SLC17A1: variants seen among roughly 807,000 people sequenced by gnomAD.
The protein encoded by SLC17A1 is sodium-dependent phosphate transport protein 1.
Under a neutral mutation model 53.5 loss-of-function variants are expected in SLC17A1, and 51 were observed. The observed-to-expected ratio is 0.95, with a 90% CI of 0.76 to 1.20. The LOEUF is 1.20. Among genes scored for constraint, SLC17A1 ranks in the 50% most tolerant of loss-of-function variants. SLC17A1 has a pLI of 0.00. For synonymous variants in SLC17A1, 179 were observed against 198.8 expected (o/e 0.90, Z 0.84); for missense variants, 538 against 568.2 (o/e 0.95, Z 0.54).
At chr6:25,741,215 A>G in the SLC17A1 span, among the ~76,000 whole-genome samples, 1 of 152,196 alleles carries the variant, frequency 6.6e-6, no homozygotes, top group Admixed American at 6.5e-5. Flanking sequence ...TAGATATCCT[A>G]ATTACCCTGA....
the SLC17A1 span, among the ~76,000 whole-genome samples, chr6:25,745,726 C>A: frequency 3.9e-5 from 6 of 152,210 alleles, no homozygotes; most frequent in Non-Finnish European, 7.4e-5. Flanking sequence ...GTAACCAAAA[C>A]AGATGATCTG....
At chr6:25,727,768 C>T in the SLC17A1 span, among the ~76,000 whole-genome samples, 96,366 of 151,768 alleles carry the variant, frequency 0.63, 31,355 homozygotes, top group Middle Eastern at 0.8. Flanking sequence ...GCCTGTAATC[C>T]CAGCACTTGC....
intron 10 of SLC17A1, among the ~76,000 whole-genome samples, chr6:25,808,047 C>T (rs1293254915): frequency 6.6e-6 from 1 of 152,086 alleles, no homozygotes; most frequent in Non-Finnish European, 1.5e-5. Context: ...TCCACACTGT[C>T]TTCCATAGTG....
At chr6:25,779,175 T>G, downstream of SLC17A1, 3 of 1,613,710 alleles carry the variant, frequency 1.9e-6, no homozygotes, top group Non-Finnish European at 2.5e-6. Context: ...GAGCAGACAT[T>G]CACCCACCTC....
chr6:25,773,795 T>C, the SLC17A1 span: 4 of 948,060 alleles, frequency 4.2e-6, no homozygotes, highest in Non-Finnish European at 6.2e-6. Context: ...AGGCAGGACC[T>C]CCATATAGGA....
the SLC17A1 span, among the ~76,000 whole-genome samples, chr6:25,751,157 T>C: frequency 6.6e-6 from 1 of 152,186 alleles, no homozygotes; most frequent in East Asian, 1.9e-4. Context: ...AGACACCTAG[T>C]CTCGTTAGTT....
the SLC17A1 span, among the ~76,000 whole-genome samples, chr6:25,724,045 G>T: frequency 6.6e-6 from 1 of 152,156 alleles, no homozygotes; most frequent in South Asian, 2.1e-4. Flanking sequence ...CATAATAAAA[G>T]AAACCCTTCT....
At position 25,801,961 on chromosome 6, in the gene SLC17A1, C is replaced by A. The variant is rs140344006; in HGVS notation, c.1179-981G>T. Among the ~76,000 whole-genome samples the A allele has an allele frequency of 5.3e-5, 8 of 152,142 alleles. No homozygotes were observed. The East Asian group carries it at 1.4e-3, about 26-fold the overall frequency. On this transcript the variant is annotated intron_variant, in intron 10 of 12. Transcript: ENST00000244527. ...AAGTACATTTATGGTTATGAACATC[C>A]ACAGGTAGAGCTTGGAATGGAAACT...
the SLC17A1 span, chr6:25,727,439 T>C: frequency 1.1e-5 from 7 of 662,358 alleles, no homozygotes; most frequent in African/African-American, 1.3e-4. Flanking sequence ...TCTCCCAGGC[T>C]GGAGTGCAGT....
At chr6:25,762,951 T>C in the SLC17A1 span, among the ~76,000 whole-genome samples, 3 of 152,194 alleles carry the variant, frequency 2.0e-5, no homozygotes, top group Non-Finnish European at 4.4e-5. Flanking sequence ...GAAGAACTTA[T>C]GTGTAAAATT....
At chr6:25,729,695 A>AT in the SLC17A1 span, among the ~76,000 whole-genome samples, 2 of 151,660 alleles carry the variant, frequency 1.3e-5, no homozygotes, top group African/African-American at 2.4e-5. Context: ...CCTATTCATT[A>AT]TTTTTTAACT....
At chr6:25,791,876 C>T (rs1195615338) in intron 12 of SLC17A1, among the ~76,000 whole-genome samples, 2 of 152,176 alleles carry the variant, frequency 1.3e-5, no homozygotes, top group African/African-American at 2.4e-5. Flanking sequence ...GCAAAGGTGG[C>T]GGGAACATTT....
intron 2 of SLC17A1, among the ~76,000 whole-genome samples, chr6:25,828,142 A>G (rs552917558): frequency 4.6e-5 from 7 of 152,302 alleles, no homozygotes; most frequent in Non-Finnish European, 1.0e-4. Flanking sequence ...AGCTATAGAC[A>G]TTCCAGTTCC....
chr6:25,728,770 C>A, the SLC17A1 span, among the ~76,000 whole-genome samples: 54 of 152,298 alleles, frequency 3.5e-4, no homozygotes, highest in Non-Finnish European at 3.8e-4. Flanking sequence ...GCCGAGATCG[C>A]CCCACTGCAC....
chr6:25,773,373 G>T, the SLC17A1 span: 5 of 1,613,896 alleles, frequency 3.1e-6, no homozygotes, highest in Non-Finnish European at 4.2e-6. Context: ...GAGATACATT[G>T]TGTGTTCATT....
intron 10 of SLC17A1, among the ~76,000 whole-genome samples, chr6:25,810,907 G>A (rs569858575): frequency 1.6e-4 from 25 of 152,226 alleles, no homozygotes; most frequent in Admixed American, 9.2e-4. Context: ...TATACACAAT[G>A]GGATACTATT....
At chr6:25,826,412 G>T in intron 3 of SLC17A1, 49 bp downstream of exon 3, 1 of 1,443,304 alleles carries the variant, frequency 6.9e-7, no homozygotes. Flanking sequence ...AAATTAGTTA[G>T]CAAGACAGGC....
Position 25,826,520 on chromosome 6 carries a change from T to A in SLC17A1, c.148A>T (p.Ser50Cys). 6.2e-7 allele frequency: 1 copy of A among 1,612,834 alleles called. No homozygotes were observed. The highest frequency in any genetic ancestry group is 8.5e-7 in the Non-Finnish European group (1 of 1,179,116). ...LNLTMVVMVN[S>C]TDPHGLPNTS... ...TTGGGCAAACCATGTGGATCTGTGCTATTCACCATGACTACCATTGTGAGG... is the reference window on the plus strand; with the variant it reads ...TTGGGCAAACCATGTGGATCTGTGCAATTCACCATGACTACCATTGTGAGG... Residue 50 changes from serine (S) to cysteine (C), a missense_variant, in exon 3 of 13, where the codon AGC becomes TGC. Ser to Cys is a moderately radical substitution (Grantham distance 112). Transcript: ENST00000244527.
downstream of SLC17A1, chr6:25,780,927 A>G (rs1763252449): frequency 6.6e-6 from 1 of 152,200 alleles, no homozygotes; most frequent in African/African-American, 2.4e-5. Context: ...CCTCTAACAC[A>G]GACAGCAACA....
Sources: allele counts gnomAD v4.1 joint callset (sites outside exome capture counted in the v4.1 genomes callset), GRCh38; gene constraint gnomAD v4.1.1; transcripts MANE v1.5; gene names NCBI Gene and HGNC (gene_info 2026-07-23, HGNC 2026-07-21).